The following FLG variants were observed in gnomAD, a reference collection of about 807,000 sequenced individuals.
FLG encodes epidermal filaggrin.
FLG carries 6 observed loss-of-function variants against 3.8 expected under a neutral mutation model. That is an observed-to-expected ratio of 1.60 (90% CI 0.87 to 3.15). The LOEUF is 3.15. Among genes scored for constraint, FLG ranks in the 30% most tolerant of loss-of-function variants. The pLI is 0.00. For missense variants in FLG, 7,595 were observed against 5,050.9 expected (o/e 1.50, Z -15.27); for synonymous variants, 2,551 against 1,931.6 (o/e 1.32, Z -8.41).
chr1:152,305,647 C>T lies in FLG; in HGVS notation c.9239G>A (p.Gly3080Glu). 6.9e-7 allele frequency: 1 copy of T among 1,445,868 alleles called. No homozygotes were observed. The highest frequency in any genetic ancestry group is 9.2e-7 in the Non-Finnish European group (1 of 1,088,246). The allele number at this position is 1,445,868 out of a possible 1,614,324, so 89.6% of individuals were successfully genotyped here. ...EQSESSHGWT[G>E]PSTRGRQGSR... Reference sequence around the variant, plus strand: ...TCCTTGTCTTCCTCTAGTGCTGGGCCCCGTCCATCCATGGGAGGACTCAGA... The same window carrying T: ...TCCTTGTCTTCCTCTAGTGCTGGGCTCCGTCCATCCATGGGAGGACTCAGA... Residue 3080 changes from glycine to glutamate, a missense_variant, in exon 3 of 3, where the codon GGG becomes GAG. By Grantham distance (98) the Gly-to-Glu change is moderately conservative. Coordinates refer to ENST00000368799, the MANE Select transcript of FLG (RefSeq NM_002016.2).
rs769853707 is a variant in FLG, at chr1:152,308,559, G to C, written c.6327C>G (p.Pro2109=). The change falls in exon 3 of 3, where the codon CCC becomes CCG. Residue 2109 remains proline, a synonymous_variant. Transcript: ENST00000368799. ...GGGATCCTTGTCTTCCTCCAGTGCT[G>C]GGCGCAGACTGTCCATGGGTGGACT... ...QSESTHGQSA[P]STGGRQGSHY... The C allele has an allele frequency of 1.2e-6, 2 of 1,613,970 alleles. No individual in the cohort carries two copies. Among genetic ancestry groups the C allele is most frequent in the East Asian group, 2.2e-5 (1 of 44,890 alleles).
chr1:152,315,576 A>G (rs1652760357), intron 1 of FLG, 99 bp from the exon 2 acceptor site: 1 of 912,656 alleles, frequency 1.1e-6, no homozygotes. Context: ...ATTTTCCTCT[A>G]AGTAATCCAT....
At chr1:152,320,381 C>G (rs1652919690) in intron 1 of FLG, among the ~76,000 whole-genome samples, 1 of 150,676 alleles carries the variant, frequency 6.6e-6, no homozygotes. Context: ...AAGAGACACA[C>G]ATAAAATGTG....
In FLG at chr1:152,310,299, A is replaced by T. The variant is rs1180423865; in HGVS notation, c.4587T>A (p.Asp1529Glu). The T allele has an allele frequency of 1.2e-6, 2 of 1,613,752 alleles. No homozygotes were observed. Among genetic ancestry groups the T allele is most frequent in the Admixed American group, 1.7e-5 (1 of 59,968 alleles). Residue 1529 changes from aspartate to glutamate, a missense_variant, in exon 3 of 3, where the codon GAT becomes GAA. Transcript: ENST00000368799. ...TGGGTCCTGACTGCCCATGGGAGGC[A>T]TCAGACCTTCCCTGGGGTGTGGTGT... ...HSHTTPQGRS[D>E]ASHGQSGPRS...
Position 152,302,577 on chromosome 1 carries a change from A to G in FLG, c.*123T>C. 8.1e-7 allele frequency: 1 copy of G among 1,239,178 alleles called. No individual in the cohort carries two copies. 76.8% of individuals were successfully genotyped at this position (1,239,178 alleles called of 1,614,324 possible). On this transcript the variant is annotated 3_prime_UTR_variant, in exon 3 of 3. Coordinates refer to ENST00000368799, the MANE Select transcript of FLG (RefSeq NM_002016.2). ...TACCACCAAACTAATGAAATACTAT[A>G]GCATATTTTAAACAGATTGACAGGA...
In FLG at chr1:152,309,329, C is replaced by T. The variant is rs2101644931; in HGVS notation, c.5557G>A (p.Asp1853Asn). 6.2e-6 allele frequency: 10 copies of T among 1,613,898 alleles called. No homozygotes were observed. The highest frequency in any genetic ancestry group is 8.5e-6 in the Non-Finnish European group (10 of 1,179,996). Reference protein sequence around the residue: ...HSHTTSQERSDVSRGQSGSRS... With the variant: ...HSHTTSQERSNVSRGQSGSRS... ...GATCCTGACTGCCCACGGGAGACAT[C>T]AGACCTTTCCTGGGACGTGGTGTGG... The change falls in exon 3 of 3, where the codon GAT becomes AAT. Residue 1853 changes from aspartate to asparagine, a missense_variant. Transcript: ENST00000368799.
chr1:152,314,400 TTTTC>T lies in FLG; in HGVS notation c.482_485del (p.Arg161LysfsTer32), dbSNP rs1168180592. 2.6e-5 allele frequency: 42 copies of T among 1,613,408 alleles called. No homozygotes were observed. Among genetic ancestry groups the T allele is most frequent in the Non-Finnish European group, 3.4e-5 (40 of 1,179,870 alleles). ...CTTCTCTATGAGTAGGTGAATATCC[TTTTC>T]TTTCTTTTTTTTCAGAACTAGATTC... On this transcript the variant is annotated frameshift_variant, in exon 3 of 3. Coordinates refer to ENST00000368799, the MANE Select transcript of FLG (RefSeq NM_002016.2). LOFTEE classifies it low-confidence loss of function (END_TRUNC).
At position 152,312,648 on chromosome 1, in the gene FLG, C is replaced by T. The variant is rs1440918639; in HGVS notation, c.2238G>A (p.Gln746=). ...DSGHRGSSGS[Q]ATDSEGHSED... ...CTGAATGTCCCTCACTGTCAGTGGC[C>T]TGACTACCACTGGACCCTCGGTGTC... is the stretch of plus-strand genomic sequence containing the variant. Residue 746 remains glutamine, a synonymous_variant, in exon 3 of 3, where the codon CAG becomes CAA. Transcript: ENST00000368799. 2 of 1,613,920 alleles carry T rather than the reference C, an allele frequency of 1.2e-6. No individual in the cohort carries two copies. The highest frequency in any genetic ancestry group is 1.1e-5 in the South Asian group (1 of 91,058).
Position 152,308,796 on chromosome 1 carries a change from T to C in FLG, c.6090A>G (p.Ala2030=), listed in dbSNP as rs2101643949. The C allele has an allele frequency of 1.2e-6, 2 of 1,614,200 alleles. No individual in the cohort carries two copies. The highest frequency in any genetic ancestry group is 2.2e-5 in the East Asian group (1 of 44,880). Residue 2030 remains alanine (A), a synonymous_variant, in exon 3 of 3, where the codon GCA becomes GCG. Transcript: ENST00000368799. The part of the protein sequence containing the change: ...SGIGHGQASS[A]VRDSGHRGYS... The stretch of plus-strand genomic sequence containing the variant: ...ACCCTCGGTGTCCACTGTCTCTGAC[T>C]GCAGATGAAGCTTGTCCATGCCCAA...
intron 1 of FLG, among the ~76,000 whole-genome samples, chr1:152,318,618 C>G (rs1652864432): frequency 6.6e-6 from 1 of 151,868 alleles, no homozygotes; most frequent in South Asian, 2.1e-4. Context: ...GATCCCATCA[C>G]TTCAGATACC....
At chr1:152,316,889 C>CCAAGGGG (rs1417213899) in intron 1 of FLG, among the ~76,000 whole-genome samples, 1 of 152,138 alleles carries the variant, frequency 6.6e-6, no homozygotes, top group Non-Finnish European at 1.5e-5. Flanking sequence ...TACCCACTGG[C>CCAAGGGG]CAAAGCTTCA....
rs777098884 is a variant in FLG at position 152,304,181 on chromosome 1, C to T, written c.10705G>A (p.Glu3569Lys). ...ASRNHRGSAQ[E>K]QSRDGSRHPT... Reference sequence around the variant, plus strand: ...TGTCTGGAGCCATCTCTTGACTGCTCCTGAGCAGATCCACGATGGTTTCTG... The same window carrying T: ...TGTCTGGAGCCATCTCTTGACTGCTTCTGAGCAGATCCACGATGGTTTCTG... Residue 3569 changes from glutamate (E) to lysine (K), a missense_variant, in exon 3 of 3, where the codon GAG (glutamate) becomes AAG (lysine). Physicochemically the swap from Glu to Lys is moderately conservative, Grantham distance 56. Transcript: ENST00000368799. 3 of 1,607,820 alleles carry T rather than the reference C, an allele frequency of 1.9e-6. No homozygotes were observed. Among genetic ancestry groups the T allele is most frequent in the Non-Finnish European group, 2.5e-6 (3 of 1,179,188 alleles).
In FLG at chr1:152,303,344, C is replaced by A. The variant is rs373589596; in HGVS notation, c.11542G>T (p.Gly3848Cys). The A allele has an allele frequency of 1.9e-6, 3 of 1,614,128 alleles. No individual in the cohort carries two copies. Among genetic ancestry groups the A allele is most frequent in the Non-Finnish European group, 2.5e-6 (3 of 1,180,028 alleles). Residue 3848 changes from glycine to cysteine, a missense_variant, in exon 3 of 3, where the codon GGT (glycine) becomes TGT (cysteine). Transcript: ENST00000368799. ...DSSRHSQSGQ[G>C]ESAGSRRSRR... ...CTTCTCCTGGACCCCGCTGATTCAC[C>A]CTGGCCGGACTGTGAGTGTCTAGAG...
chr1:152,304,536 G>C lies in FLG; in HGVS notation c.10350C>G (p.Tyr3450Ter), dbSNP rs751349850. The C allele has an allele frequency of 6.2e-7, 1 of 1,611,830 alleles. No individual in the cohort carries two copies. Among genetic ancestry groups the C allele is most frequent in the Non-Finnish European group, 8.5e-7 (1 of 1,179,022 alleles). ...GTCCAGACCTATCTACCGATTGCTC[G>C]TAGTGGGATCCCTGCCTTCCTCTTC... The part of the protein sequence containing the change: ...SSRRGRQGSH[Y>*]EQSVDRSGHS... The change falls in exon 3 of 3, where the codon TAC becomes TAG. Residue 3450 changes from tyrosine to a stop codon, truncating the protein, a stop_gained. Transcript: ENST00000368799. LOFTEE classifies it low-confidence loss of function (END_TRUNC).
chr1:152,312,882 A>G lies in FLG; in HGVS notation c.2004T>C (p.Ala668=), dbSNP rs542979983. Residue 668 remains alanine, a synonymous_variant, in exon 3 of 3, where the codon GCT becomes GCC. Transcript: ENST00000368799. Reference sequence around the variant, plus strand: ...AGCTGTCTGCAGAGTGCCCATGACCAGCTCTGTCTTCGTGATGGGACCTGG... The same window carrying G: ...AGCTGTCTGCAGAGTGCCCATGACCGGCTCTGTCTTCGTGATGGGACCTGG... The part of the protein sequence containing the change: ...RHPRSHHEDR[A]GHGHSADSSR... 118 of 1,612,336 alleles carry G rather than the reference A, an allele frequency of 7.3e-5. 1 individual carries two copies. In the East Asian group the frequency reaches 1.7e-3, roughly 23 times the overall value.
chr1:152,315,150 T>G (rs1318028718), intron 2 of FLG, among the ~76,000 whole-genome samples, 169 bp downstream of exon 2: 1 of 152,150 alleles, frequency 6.6e-6, no homozygotes, highest in Non-Finnish European at 1.5e-5. Flanking sequence ...ATGTTTATAA[T>G]ATACATCCAG....
rs756998312 is a variant in FLG, at chr1:152,310,100, G to T, written c.4786C>A (p.Gln1596Lys). 6.8e-6 allele frequency: 11 copies of T among 1,613,696 alleles called. No homozygotes were observed. The highest frequency in any genetic ancestry group is 9.3e-6 in the Non-Finnish European group (11 of 1,179,854). Residue 1596 changes from glutamine to lysine, a missense_variant, in exon 3 of 3, where the codon CAG (glutamine) becomes AAG (lysine). Coordinates refer to ENST00000368799, the MANE Select transcript of FLG (RefSeq NM_002016.2). ...TSRRQGSSVS[Q>K]DRDSEGHSED... ...GAGTGTCCCTCACTGTCCCTGTCCT[G>T]ACTAACACTGGATCCCTGGCGCCTG...
chr1:152,311,370 C>A lies in FLG; in HGVS notation c.3516G>T (p.Arg1172Ser). 1 of 1,613,602 alleles carries A rather than the reference C, an allele frequency of 6.2e-7. No homozygotes were observed. Among genetic ancestry groups the A allele is most frequent in the Non-Finnish European group, 8.5e-7 (1 of 1,179,940 alleles). ...QDTIRAHPGS[R>S]RGGRQGSHHE... ...GGTGGGATCCCTGCCTTCCTCCTCT[C>A]CTTGACCCCGGGTGTGCACGAATGG... The change falls in exon 3 of 3, where the codon AGG becomes AGT. Residue 1172 changes from arginine (R) to serine (S), a missense_variant. Arg to Ser is a moderately radical substitution (Grantham distance 110). Transcript: ENST00000368799.
chr1:152,313,999 C>G lies in FLG; in HGVS notation c.887G>C (p.Arg296Thr). 8 of 1,614,262 alleles carry G rather than the reference C, an allele frequency of 5.0e-6. No individual in the cohort carries two copies. The highest frequency in any genetic ancestry group is 1.1e-5 in the South Asian group (1 of 91,090). The change falls in exon 3 of 3, where the codon AGA becomes ACA. Residue 296 changes from arginine (R) to threonine (T), a missense_variant. Coordinates refer to ENST00000368799, the MANE Select transcript of FLG (RefSeq NM_002016.2). ...ESRTRKRRGS[R>T]VSQDRDSEGH... ...CTCACTGTCCCTGTCCTGGCTAACT[C>G]TGGATCCCCTACGCTTTCTTGTCCT...
Sources: allele counts gnomAD v4.1 joint callset (sites outside exome capture counted in the v4.1 genomes callset), GRCh38; gene constraint gnomAD v4.1.1; transcripts MANE v1.5; gene names NCBI Gene and HGNC (gene_info 2026-07-23, HGNC 2026-07-21).